The following AGBL1 variants were observed in gnomAD, a reference collection of about 807,000 sequenced individuals.
AGBL1 encodes the protein cytosolic carboxypeptidase 4.
A neutral mutation model predicts 118.9 loss-of-function variants in AGBL1; 130 were observed. The ratio of observed to expected loss-of-function variants is 1.09; its 90% CI spans 0.95 to 1.26. The LOEUF (loss-of-function observed/expected upper bound fraction) is 1.26, where lower values mean the gene tolerates loss of function less well. AGBL1 is among the 50% of genes most tolerant of loss of function. The pLI is 0.00. For missense variants in AGBL1, 1,584 were observed against 1,298.1 expected (o/e 1.22, Z -3.38); for synonymous variants, 555 against 478.9 (o/e 1.16, Z -2.08).
At chr15:86,278,542 A>G (rs922261195) in intron 15 of AGBL1, among the ~76,000 whole-genome samples, 4 of 152,236 alleles carry the variant, frequency 2.6e-5, no homozygotes, top group African/African-American at 9.6e-5. Context: ...GTGGCATGAA[A>G]GTAGCAAAAA....
chr15:86,606,754 C>T (rs1567080912), intron 21 of AGBL1, among the ~76,000 whole-genome samples: 2 of 152,150 alleles, frequency 1.3e-5, no homozygotes, highest in African/African-American at 4.8e-5. Context: ...CCAGCTTCCC[C>T]TATTATTAAC....
rs545005136 is a variant in AGBL1 at position 86,219,296 on chromosome 15, G to A, written c.489-5618G>A. ...TTCAAGTTATTAGGTTGGTCCAAAT[G>A]TAATTGTGGTTTTTGCCATTACTTT... is the stretch of plus-strand genomic sequence containing the variant. On this transcript the variant is annotated intron_variant, in intron 5 of 22. Coordinates refer to ENST00000614907, the MANE Select transcript of AGBL1 (RefSeq NM_001386094.1). Among the ~76,000 whole-genome samples the A allele has an allele frequency of 7.2e-5, 11 of 152,296 alleles. No individual in the cohort carries two copies. The South Asian group carries it at 2.1e-3, about 29-fold the overall frequency.
intron 2 of AGBL1, 118 bp downstream of exon 2, chr15:86,142,185 G>A: frequency 1.0e-6 from 1 of 974,594 alleles, no homozygotes; most frequent in South Asian, 1.6e-5. Flanking sequence ...CCTGTGAGAG[G>A]CAGCATCACT....
intron 23 of AGBL1, among the ~76,000 whole-genome samples, chr15:86,976,207 T>C (rs1244916071): frequency 6.7e-6 from 1 of 150,258 alleles, no homozygotes; most frequent in Non-Finnish European, 1.5e-5. Context: ...TAAGAAATTA[T>C]AATTTATTCT....
chr15:86,956,228 G>C (rs965929273), intron 23 of AGBL1, among the ~76,000 whole-genome samples: 2 of 149,558 alleles, frequency 1.3e-5, no homozygotes, highest in African/African-American at 2.5e-5. Context: ...TAGATAGATA[G>C]ATAGATAGAT....
chr15:86,405,041 G>T (rs2081504352), intron 18 of AGBL1, among the ~76,000 whole-genome samples: 1 of 152,160 alleles, frequency 6.6e-6, no homozygotes, highest in South Asian at 2.1e-4. Flanking sequence ...AGGAATGATG[G>T]CCTCTGCCAT....
intron 22 of AGBL1, among the ~76,000 whole-genome samples, chr15:86,735,691 T>C (rs2077585472): frequency 6.7e-6 from 1 of 150,158 alleles, no homozygotes; most frequent in Non-Finnish European, 1.5e-5. Flanking sequence ...GCATACTGTC[T>C]CTCTGGGTCT....
chr15:86,629,237 G>A (rs1226272786), intron 21 of AGBL1, among the ~76,000 whole-genome samples: 1 of 152,074 alleles, frequency 6.6e-6, no homozygotes, highest in African/African-American at 2.4e-5. Flanking sequence ...ATAAAGATTG[G>A]TTGGAGCTTG....
At chr15:86,743,486 C>A (rs1363896767) in intron 22 of AGBL1, among the ~76,000 whole-genome samples, 1 of 152,130 alleles carries the variant, frequency 6.6e-6, no homozygotes, top group Admixed American at 6.6e-5. Context: ...AGAGCGTCCC[C>A]TGGTGTCGGG....
chr15:86,319,743 G>GTTTTTTTT lies in AGBL1; in HGVS notation c.2374+24364_2374+24371dup, dbSNP rs139831044. Among the ~76,000 whole-genome samples the GTTTTTTTT allele has an allele frequency of 2.0e-3, 95 of 47,252 alleles. 20 individuals carry two copies. Among genetic ancestry groups the GTTTTTTTT allele is most frequent in the East Asian group, 4.1e-3 (5 of 1,234 alleles). 31.0% of individuals were successfully genotyped at this position (47,252 alleles called of 152,430 possible). A position where few individuals can be genotyped will look rare whatever the true frequency, so the allele number is the denominator to read the frequency against. ...TGTACTTTGTTTTGCCTCTTTGGTA[G>GTTTTTTTT]TTTTTTTTTTTTTTTTTTTTTTTTT... On this transcript the variant is annotated intron_variant, in intron 17 of 22. Coordinates refer to ENST00000614907, the MANE Select transcript of AGBL1 (RefSeq NM_001386094.1).
At chr15:86,903,366 C>T (rs1441779186) in intron 22 of AGBL1, among the ~76,000 whole-genome samples, 1 of 151,588 alleles carries the variant, frequency 6.6e-6, no homozygotes, top group Admixed American at 6.6e-5. Context: ...CTTTATTTTC[C>T]CTACCTTTTT....
chr15:86,142,792 G>A (rs904535543), intron 2 of AGBL1, among the ~76,000 whole-genome samples: 11 of 152,190 alleles, frequency 7.2e-5, no homozygotes, highest in Non-Finnish European at 5.9e-5. Flanking sequence ...TGTAAGTGAA[G>A]TCACTCGTCT....
chr15:86,464,945 G>A (rs531760031), intron 18 of AGBL1, among the ~76,000 whole-genome samples: 57 of 151,594 alleles, frequency 3.8e-4, no homozygotes, highest in African/African-American at 1.2e-3. Context: ...TTTGAATGTT[G>A]GCCTGTCTTG....
chr15:86,625,259 A>G (rs1222518701), intron 21 of AGBL1, among the ~76,000 whole-genome samples: 1 of 152,024 alleles, frequency 6.6e-6, no homozygotes, highest in African/African-American at 2.4e-5. Flanking sequence ...GGATCCTTTC[A>G]ACTTCTGAAC....
In AGBL1 at chr15:86,915,761, A is replaced by G. The variant is rs2080414148; in HGVS notation, c.*8467A>G. 1 of 152,098 alleles carries G rather than the reference A, an allele frequency of 6.6e-6. No homozygotes were observed. Among genetic ancestry groups the G allele is most frequent in the Admixed American group, 6.6e-5 (1 of 15,266 alleles). The allele number at this position is 152,098 out of a possible 1,614,324, so 9.4% of individuals were successfully genotyped here. Reference sequence around the variant, plus strand: ...AAGATGTGGTGGGACTTCCATAAATATGTGTTGAATGGTTGAGATCTTAAT... The same window carrying G: ...AAGATGTGGTGGGACTTCCATAAATGTGTGTTGAATGGTTGAGATCTTAAT... On this transcript the variant is annotated 3_prime_UTR_variant, in exon 23 of 23. Coordinates refer to ENST00000614907, the MANE Select transcript of AGBL1 (RefSeq NM_001386094.1).
chr15:86,546,078 G>T lies in AGBL1; in HGVS notation c.2762G>T (p.Trp921Leu), dbSNP rs1382675435. 2.5e-6 allele frequency: 4 copies of T among 1,613,454 alleles called. No homozygotes were observed. The highest frequency in any genetic ancestry group is 3.4e-6 in the Non-Finnish European group (4 of 1,179,608). Residue 921 changes from tryptophan to leucine, a missense_variant, in exon 20 of 23, where the codon TGG becomes TTG. Coordinates refer to ENST00000614907, the MANE Select transcript of AGBL1 (RefSeq NM_001386094.1). ...GGCTGTAGCATCAAGGAAACCTTGT[G>T]GCAAGCAGCATGCACTGTGGGCACA... The part of the protein sequence containing the change: ...LYGCSIKETL[W>L]QAACTVGTST...
At chr15:86,858,184 A>G (rs188273741) in intron 22 of AGBL1, among the ~76,000 whole-genome samples, 3 of 152,182 alleles carry the variant, frequency 2.0e-5, no homozygotes, top group African/African-American at 7.2e-5. Flanking sequence ...GTTCAGTGCT[A>G]TAAGAGGGTA....
intron 21 of AGBL1, among the ~76,000 whole-genome samples, chr15:86,596,823 C>T (rs2084413715): frequency 6.6e-6 from 1 of 152,140 alleles, no homozygotes; most frequent in Admixed American, 6.6e-5. Context: ...TTTCCTTCTT[C>T]TTTTTCCCCT....
In AGBL1 at chr15:86,908,894, G is replaced by A. The variant is rs948870076; in HGVS notation, c.*1600G>A. The A allele has an allele frequency of 6.6e-6, 1 of 152,174 alleles. No homozygotes were observed. The highest frequency in any genetic ancestry group is 2.4e-5 in the African/African-American group (1 of 41,434). The allele number at this position is 152,174 out of a possible 1,614,324, so 9.4% of individuals were successfully genotyped here. On this transcript the variant is annotated 3_prime_UTR_variant, in exon 23 of 23. Transcript: ENST00000614907. ...TAGTAGTAGCTTTCATAAGGCATAA[G>A]TCTATTTCTCTTTCCTGTGGAATTT... is the stretch of plus-strand genomic sequence containing the variant.
Sources: allele counts gnomAD v4.1 joint callset (sites outside exome capture counted in the v4.1 genomes callset), GRCh38; gene constraint gnomAD v4.1.1; transcripts MANE v1.5; gene names NCBI Gene and HGNC (gene_info 2026-07-23, HGNC 2026-07-21).